The following KCNIP4 variants were observed in gnomAD, a reference collection of about 807,000 sequenced individuals.
KCNIP4 encodes the protein potassium voltage-gated channel interacting protein 4.
Under a neutral mutation model 34.0 loss-of-function variants are expected in KCNIP4, and 12 were observed. The ratio of observed to expected loss-of-function variants is 0.35; its 90% CI spans 0.23 to 0.57. The LOEUF is 0.57. Among genes scored for constraint, KCNIP4 ranks in the 20% least tolerant of loss-of-function variants. KCNIP4 has a pLI of 0.83. For synonymous variants in KCNIP4, 124 were observed against 102.2 expected (o/e 1.21, Z -1.29); for missense variants, 238 against 311.7 (o/e 0.76, Z 1.78).
At chr4:21,639,503 T>C (rs1164297667) in intron 1 of KCNIP4, among the ~76,000 whole-genome samples, 1 of 152,204 alleles carries the variant, frequency 6.6e-6, no homozygotes, top group Non-Finnish European at 1.5e-5. Flanking sequence ...GTATCACAAT[T>C]AAAATTCTGG....
chr4:20,905,564 T>G (rs576157013), intron 1 of KCNIP4, among the ~76,000 whole-genome samples: 1 of 130,012 alleles, frequency 7.7e-6, no homozygotes, highest in African/African-American at 2.8e-5. Context: ...CAGGTTGGAG[T>G]GCACTGGTGC....
chr4:20,958,612 A>G (rs1037102477), intron 1 of KCNIP4, among the ~76,000 whole-genome samples: 2 of 152,186 alleles, frequency 1.3e-5, no homozygotes, highest in Non-Finnish European at 2.9e-5. Context: ...AGAGAAACAG[A>G]GACTTTTAGG....
chr4:20,914,630 A>G (rs1238276972), intron 1 of KCNIP4, among the ~76,000 whole-genome samples: 2 of 152,118 alleles, frequency 1.3e-5, no homozygotes, highest in Admixed American at 6.5e-5. Context: ...ATTGTACCCT[A>G]CTGTCTATCA....
At chr4:21,789,379 A>G (rs1325137980) in intron 1 of KCNIP4, among the ~76,000 whole-genome samples, 1 of 149,208 alleles carries the variant, frequency 6.7e-6, no homozygotes, top group Non-Finnish European at 1.5e-5. Flanking sequence ...AGCTACTTCA[A>G]ATTAGACAAT....
intron 3 of KCNIP4, among the ~76,000 whole-genome samples, chr4:20,769,862 A>G (rs116204568): frequency 1.2e-3 from 181 of 152,280 alleles, no homozygotes; most frequent in African/African-American, 4.1e-3. Context: ...CAGCAAAGCA[A>G]AGGCCTGTTG....
At chr4:21,650,480 G>C (rs567776552) in intron 1 of KCNIP4, among the ~76,000 whole-genome samples, 1 of 152,208 alleles carries the variant, frequency 6.6e-6, no homozygotes, top group South Asian at 2.1e-4. Context: ...TGAGGTTTAT[G>C]CCTCTAGCAT....
chr4:21,035,492 C>G (rs1741372707), intron 1 of KCNIP4, among the ~76,000 whole-genome samples: 1 of 152,152 alleles, frequency 6.6e-6, no homozygotes, highest in Non-Finnish European at 1.5e-5. Context: ...CTTCGTTTCA[C>G]AAGTTATGGC....
chr4:21,504,475 A>AAAAAAAAAAAAAAAAAG (rs1264431211), intron 1 of KCNIP4, among the ~76,000 whole-genome samples: 12 of 101,870 alleles, frequency 1.2e-4, no homozygotes, highest in African/African-American at 2.3e-4. Flanking sequence ...CAAAAAAAAA[A>AAAAAAAAAAAAAAAAAG]AAAGAAAGAA....
intron 2 of KCNIP4, among the ~76,000 whole-genome samples, chr4:20,864,047 T>TAC (rs1482919456): frequency 2.4e-5 from 3 of 125,206 alleles, no homozygotes; most frequent in Admixed American, 8.0e-5. Flanking sequence ...TGTATACGCA[T>TAC]GTATGTATAC....
At position 21,762,973 on chromosome 4, in the gene KCNIP4, G is replaced by A. The variant is rs1273831671; in HGVS notation, c.61+185598C>T. ...CCGAAGTCTCCCTCTGGGACCACTG[G>A]GTGTAAGTCTTCTTGTCAAGGACAG... is the stretch of plus-strand genomic sequence containing the variant. On this transcript the variant is annotated intron_variant, in intron 1 of 8. Coordinates refer to ENST00000382152, the MANE Select transcript of KCNIP4 (RefSeq NM_025221.6). The A allele has an allele frequency of 6.2e-6, 8 of 1,288,700 alleles. No individual in the cohort carries two copies. In the Admixed American group the frequency reaches 9.2e-5, roughly 15 times the overall value. 79.8% of individuals were successfully genotyped at this position (1,288,700 alleles called of 1,614,324 possible).
intron 1 of KCNIP4, among the ~76,000 whole-genome samples, chr4:21,234,459 A>G (rs1440909233): frequency 1.9e-5 from 2 of 106,730 alleles, no homozygotes; most frequent in Non-Finnish European, 3.6e-5. Context: ...TATTACATAT[A>G]ACGTATATAA....
intron 1 of KCNIP4, among the ~76,000 whole-genome samples, chr4:21,908,932 A>G (rs2108978878): frequency 6.6e-6 from 1 of 152,170 alleles, no homozygotes; most frequent in South Asian, 2.1e-4. Context: ...TACAACTCTG[A>G]GTTTGTGTGT....
At chr4:20,928,347 A>G (rs1269649968) in intron 1 of KCNIP4, among the ~76,000 whole-genome samples, 1 of 151,892 alleles carries the variant, frequency 6.6e-6, no homozygotes, top group Non-Finnish European at 1.5e-5. Flanking sequence ...CAAATACATG[A>G]AAATTAAACC....
chr4:21,391,820 G>A (rs927690517), intron 1 of KCNIP4, among the ~76,000 whole-genome samples: 1 of 152,100 alleles, frequency 6.6e-6, no homozygotes. Flanking sequence ...CACACATACT[G>A]TTCCTTAATT....
chr4:21,705,837 AACCT>A (rs1713223308), intron 1 of KCNIP4, among the ~76,000 whole-genome samples: 1 of 152,116 alleles, frequency 6.6e-6, no homozygotes, highest in South Asian at 2.1e-4. Context: ...CTGTTTGAAA[AACCT>A]TCTCAAAATC....
At chr4:21,250,231 A>G (rs79376054) in intron 1 of KCNIP4, among the ~76,000 whole-genome samples, 2 of 140,984 alleles carry the variant, frequency 1.4e-5, no homozygotes, top group African/African-American at 5.2e-5. Context: ...AAAAAAAAAA[A>G]GGAAATATAC....
At chr4:21,690,241 C>A (rs1295259233) in intron 1 of KCNIP4, among the ~76,000 whole-genome samples, 1 of 151,546 alleles carries the variant, frequency 6.6e-6, no homozygotes, top group East Asian at 1.9e-4. Context: ...CTCCTCAGAT[C>A]TTACCTTCCC....
Position 21,185,324 on chromosome 4 carries a change from C to T in KCNIP4, c.62-302615G>A, listed in dbSNP as rs982918044. On this transcript the variant is annotated intron_variant, in intron 1 of 8. Coordinates refer to ENST00000382152, the MANE Select transcript of KCNIP4 (RefSeq NM_025221.6). ...TCCCTTAGAAATTTACTTGGAATTT[C>T]GTCAGGAGTTTTCTTCCCCTCCTTT... Among the ~76,000 whole-genome samples the T allele has an allele frequency of 1.3e-5, 2 of 152,016 alleles. 1 individual carries two copies. Among genetic ancestry groups the T allele is most frequent in the African/African-American group, 4.8e-5 (2 of 41,446 alleles).
At chr4:21,454,552 A>T (rs1401964876) in intron 1 of KCNIP4, among the ~76,000 whole-genome samples, 21 of 152,118 alleles carry the variant, frequency 1.4e-4, no homozygotes, top group Admixed American at 9.2e-4. Context: ...TTCTGTAACA[A>T]AGGTAATGAG....
Sources: allele counts gnomAD v4.1 joint callset (sites outside exome capture counted in the v4.1 genomes callset), GRCh38; gene constraint gnomAD v4.1.1; transcripts MANE v1.5; gene names NCBI Gene and HGNC (gene_info 2026-07-23, HGNC 2026-07-21).